The following FIGNL2 variants were observed in gnomAD, a reference collection of about 807,000 sequenced individuals.
FIGNL2 encodes fidgetin-like protein 2.
For missense variants in FIGNL2, 1,060 were observed against 950.2 expected (o/e 1.12, Z -1.52); for synonymous variants, 565 against 484.0 (o/e 1.17, Z -2.20).
At chr12:51,833,123 C>A (rs1939503385) in intron 1 of FIGNL2, among the ~76,000 whole-genome samples, 1 of 152,158 alleles carries the variant, frequency 6.6e-6, no homozygotes, top group Non-Finnish European at 1.5e-5. Flanking sequence ...TCACGGCTCA[C>A]TGCAGCCTGG....
Position 51,821,097 on chromosome 12 carries a change from C to A in FIGNL2, c.1317G>T (p.Ala439=). 2 of 1,367,278 alleles carry A rather than the reference C, an allele frequency of 1.5e-6. No individual in the cohort carries two copies. 84.7% of individuals were successfully genotyped at this position (1,367,278 alleles called of 1,614,324 possible). The change falls in exon 2 of 2, where the codon GCG becomes GCT. Residue 439 remains alanine, a synonymous_variant. Transcript: ENST00000618634. ...GCGTGGCGAGGCAGCGGCCCAGCAG[C>A]GCTTTGCCCGCGCCCCGCGGCCCAA... ...LLFGPRGAGK[A]LLGRCLATQL...
intron 1 of FIGNL2, chr12:51,831,660 AC>A (rs951250412): frequency 1.3e-5 from 2 of 153,696 alleles, no homozygotes; most frequent in African/African-American, 4.8e-5. Flanking sequence ...CAAAGGATGA[AC>A]CGAGGATGGG....
At chr12:51,837,007 C>A (rs945625814) in intron 1 of FIGNL2, among the ~76,000 whole-genome samples, 1 of 152,118 alleles carries the variant, frequency 6.6e-6, no homozygotes, top group Non-Finnish European at 1.5e-5. Context: ...GTCCGGTGGC[C>A]CCCAGGGAGT....
chr12:51,846,804 C>T lies in FIGNL2; in HGVS notation c.-12+1736G>A, dbSNP rs540642714. Among the ~76,000 whole-genome samples the T allele has an allele frequency of 3.3e-5, 5 of 152,364 alleles. No individual in the cohort carries two copies. In the East Asian group the frequency reaches 7.7e-4, roughly 24 times the overall value. ...CCAGGAGCAACTCCTCTGCCCCACA[C>T]AGCCTAATTCCCTTTGGCCCAAAAG... On this transcript the variant is annotated intron_variant, in intron 1 of 1. Coordinates refer to ENST00000618634, the MANE Select transcript of FIGNL2 (RefSeq NM_001384995.1).
chr12:51,830,684 G>A (rs931248601), intron 1 of FIGNL2, among the ~76,000 whole-genome samples: 17 of 151,782 alleles, frequency 1.1e-4, no homozygotes, highest in African/African-American at 2.2e-4. Context: ...GTAGAGATGG[G>A]GTTTCACCAT....
chr12:51,839,282 G>A (rs1381290884), intron 1 of FIGNL2, among the ~76,000 whole-genome samples: 1 of 152,080 alleles, frequency 6.6e-6, no homozygotes, highest in Non-Finnish European at 1.5e-5. Context: ...ACATGCCCAA[G>A]GAAAACATCT....
Position 51,834,426 on chromosome 12 carries a change from T to G in FIGNL2, c.-11-12002A>C, listed in dbSNP as rs116346133. Among the ~76,000 whole-genome samples, 1,102 of 152,290 alleles carry G rather than the reference T, an allele frequency of 7.2e-3. 20 individuals are homozygous for G. Among genetic ancestry groups the G allele is most frequent in the African/African-American group, 0.025 (1,059 of 41,564 alleles). On this transcript the variant is annotated intron_variant, in intron 1 of 1. Coordinates refer to ENST00000618634, the MANE Select transcript of FIGNL2 (RefSeq NM_001384995.1). ...GTTACCCCCCACCCCATTGGGCTTC[T>G]GTGGGAGAGGACAAAAGGGGTGCTG...
At chr12:51,833,905 C>T (rs934841132) in intron 1 of FIGNL2, among the ~76,000 whole-genome samples, 15 of 151,284 alleles carry the variant, frequency 9.9e-5, no homozygotes, top group South Asian at 2.1e-4. Flanking sequence ...GGACAGTGCC[C>T]GGCACAGATT....
chr12:51,834,688 G>A (rs542344543), intron 1 of FIGNL2, among the ~76,000 whole-genome samples: 18 of 152,352 alleles, frequency 1.2e-4, no homozygotes, highest in East Asian at 3.9e-4. Flanking sequence ...GCGTGCACAC[G>A]CTGACGGGAG....
rs1385582392 is a variant in FIGNL2, at chr12:51,819,881, G to A, written c.*571C>T. 1.3e-5 allele frequency: 2 copies of A among 157,656 alleles called. No homozygotes were observed. Among genetic ancestry groups the A allele is most frequent in the African/African-American group, 4.8e-5 (2 of 41,452 alleles). The allele number at this position is 157,656 out of a possible 1,614,324, so 9.8% of individuals were successfully genotyped here. On this transcript the variant is annotated 3_prime_UTR_variant, in exon 2 of 2. Transcript: ENST00000618634. ...GCAGTCCAAATAAGAACAGAAGGCA[G>A]GGAAAGGCATTAAAGCTCAGGGACC...
At chr12:51,831,694 T>C (rs1036655931) in intron 1 of FIGNL2, 2 of 154,396 alleles carry the variant, frequency 1.3e-5, no homozygotes, top group Non-Finnish European at 2.9e-5. Context: ...AGTCTCCCTC[T>C]TGTGCACTGA....
intron 1 of FIGNL2, chr12:51,844,841 C>A: frequency 1.0e-6 from 1 of 985,406 alleles, no homozygotes; most frequent in Non-Finnish European, 1.2e-6. Context: ...AAAGGCTGGC[C>A]TAGTGCCTCA....
chr12:51,844,964 C>T (rs1241310072), intron 1 of FIGNL2: 2 of 739,604 alleles, frequency 2.7e-6, no homozygotes, highest in Non-Finnish European at 3.3e-6. Context: ...TGACTCTGTC[C>T]TCAGCACATC....
chr12:51,835,876 C>T (rs538382549), intron 1 of FIGNL2, among the ~76,000 whole-genome samples: 3 of 151,448 alleles, frequency 2.0e-5, no homozygotes, highest in Non-Finnish European at 2.9e-5. Flanking sequence ...GCGTGATCTC[C>T]GTTTACTGCA....
In FIGNL2 at chr12:51,820,935, T is replaced by C. The variant is rs1054415100; in HGVS notation, c.1479A>G (p.Leu493=). 130 of 1,308,780 alleles carry C rather than the reference T, an allele frequency of 9.9e-5. No homozygotes were observed. The highest frequency in any genetic ancestry group is 1.2e-4 in the Non-Finnish European group (126 of 1,037,038). 81.1% of individuals were successfully genotyped at this position (1,308,780 alleles called of 1,614,324 possible). The change falls in exon 2 of 2, where the codon CTA becomes CTG. Residue 493 remains leucine, a synonymous_variant. Coordinates refer to ENST00000618634, the MANE Select transcript of FIGNL2 (RefSeq NM_001384995.1). The stretch of plus-strand genomic sequence containing the variant: ...CGTCCCGGGCGGGGAGCAGCGCCTC[T>C]AGCTCGCTGATGAGGAGTACGGAGG... ...RPPSVLLISE[L]EALLPARDDG... is the part of the protein sequence containing the mutation.
intron 1 of FIGNL2, among the ~76,000 whole-genome samples, chr12:51,827,004 T>C: frequency 6.6e-6 from 1 of 152,234 alleles, no homozygotes; most frequent in African/African-American, 2.4e-5. Flanking sequence ...ACTTAGATGC[T>C]TCCTGACAGA....
Position 51,820,832 on chromosome 12 carries a change from C to T in FIGNL2, c.1582G>A (p.Gly528Ser), listed in dbSNP as rs1391804668. Residue 528 changes from glycine (G) to serine (S), a missense_variant, in exon 2 of 2, where the codon GGC becomes AGC. Gly to Ser is a moderately conservative substitution (Grantham distance 56). Transcript: ENST00000618634. ...LDGGCGAGADGVLVVGTTSRP... is the reference protein window; with the variant it reads ...LDGGCGAGADSVLVVGTTSRP... ...GAGGTGGTGCCCACAACCAGCACGC[C>T]GTCAGCCCCCGCGCCGCAGCCCCCG... The T allele has an allele frequency of 1.6e-5, 23 of 1,463,424 alleles. No homozygotes were observed. Among genetic ancestry groups the T allele is most frequent in the African/African-American group, 2.9e-5 (2 of 67,866 alleles). 90.7% of individuals were successfully genotyped at this position (1,463,424 alleles called of 1,614,324 possible). A position where few individuals can be genotyped will look rare whatever the true frequency, so the allele number is the denominator to read the frequency against.
In FIGNL2 at chr12:51,821,780, C is replaced by T. The variant is rs1939207962; in HGVS notation, c.634G>A (p.Ala212Thr). 2 of 1,275,410 alleles carry T rather than the reference C, an allele frequency of 1.6e-6. No homozygotes were observed. Among genetic ancestry groups the T allele is most frequent in the Admixed American group, 4.3e-5 (1 of 23,320 alleles). 79.0% of individuals were successfully genotyped at this position (1,275,410 alleles called of 1,614,324 possible). A position where few individuals can be genotyped will look rare whatever the true frequency, so the allele number is the denominator to read the frequency against. ...LYNYPAGGYA[A>T]QPGYGALPPP... ...GGGAGCGCGCCATAGCCGGGCTGCGCTGCGTAGCCCCCTGCGGGATAGTTG... is the reference window on the plus strand; with the variant it reads ...GGGAGCGCGCCATAGCCGGGCTGCGTTGCGTAGCCCCCTGCGGGATAGTTG... The change falls in exon 2 of 2, where the codon GCG (alanine) becomes ACG (threonine). Residue 212 changes from alanine to threonine, a missense_variant. Physicochemically the swap from Ala to Thr is moderately conservative, Grantham distance 58 (BLOSUM62 0). Transcript: ENST00000618634.
intron 1 of FIGNL2, chr12:51,847,055 C>G (rs531939195): frequency 1.2e-5 from 12 of 985,408 alleles, no homozygotes; most frequent in Non-Finnish European, 1.4e-5. Flanking sequence ...CGCGGCCGCC[C>G]GGTACCCGCG....
Sources: allele counts gnomAD v4.1 joint callset (sites outside exome capture counted in the v4.1 genomes callset), GRCh38; gene constraint gnomAD v4.1.1; transcripts MANE v1.5; gene names NCBI Gene and HGNC (gene_info 2026-07-23, HGNC 2026-07-21).